Variants in SLC4A5 observed in about 807,000 individuals in gnomAD.
SLC4A5 encodes the protein electrogenic sodium bicarbonate cotransporter 4.
In SLC4A5, 96 loss-of-function variants were observed where a neutral mutation model predicts 120.4. The ratio of observed to expected loss-of-function variants is 0.80; its 90% CI spans 0.68 to 0.94. The LOEUF is 0.94. Ranked by LOEUF, SLC4A5 falls within the 40% of genes least tolerant of loss-of-function variation. The pLI, the probability that SLC4A5 is intolerant of heterozygous loss-of-function variation, is 0.00. For missense variants in SLC4A5, 1,259 were observed against 1,459.5 expected, an observed-to-expected ratio of 0.86 and a Z score of 2.24; for synonymous variants, 550 against 571.1, an observed-to-expected ratio of 0.96 and a Z score of 0.53.
At chr2:74,220,628 T>C (rs1572996842) in intron 30 of SLC4A5, among the ~76,000 whole-genome samples, 1 of 151,480 alleles carries the variant, frequency 6.6e-6, no homozygotes, top group African/African-American at 2.4e-5. Context: ...GCCATTCTCC[T>C]GCCTCAGCCT....
chr2:74,337,867 T>C (rs1417929313), intron 3 of SLC4A5, among the ~76,000 whole-genome samples: 2 of 152,330 alleles, frequency 1.3e-5, no homozygotes, highest in South Asian at 2.1e-4. Flanking sequence ...ATTATGTGGT[T>C]ATTCTGCCTA....
At chr2:74,239,267 G>C in intron 21 of SLC4A5, 68 bp downstream of exon 21, 4 of 1,499,644 alleles carry the variant, frequency 2.7e-6, no homozygotes, top group Non-Finnish European at 3.7e-6. Context: ...CGGTGGACCA[G>C]AACCCTCTCT....
chr2:74,242,397 A>G (rs1384446448), intron 19 of SLC4A5, among the ~76,000 whole-genome samples: 1 of 152,252 alleles, frequency 6.6e-6, no homozygotes, highest in East Asian at 1.9e-4. Context: ...CTGGGCTTTT[A>G]GACTTAAAAA....
intron 8 of SLC4A5, among the ~76,000 whole-genome samples, chr2:74,281,321 A>C (rs1671806409): frequency 6.6e-6 from 1 of 152,236 alleles, no homozygotes; most frequent in African/African-American, 2.4e-5. Flanking sequence ...AGTAACCCCA[A>C]AGGGCCCTCC....
At chr2:74,221,017 ATT>A (rs902043584) in intron 30 of SLC4A5, among the ~76,000 whole-genome samples, 18 of 133,908 alleles carry the variant, frequency 1.3e-4, no homozygotes, top group East Asian at 6.8e-4. Context: ...ATTTTTTTGT[ATT>A]TTTTTAGTAG....
In SLC4A5 at chr2:74,290,520, G is replaced by A. The variant is rs1046602777; in HGVS notation, c.272-4618C>T. ...TAGAGAGAATATAGGTGTGGTAAGT[G>A]TAAGTGTGAGAAAGATTATGCAAAA... On this transcript the variant is annotated intron_variant, in intron 7 of 30. Coordinates refer to ENST00000394019, the Ensembl canonical transcript of SLC4A5. 15 of 984,978 alleles carry A rather than the reference G, an allele frequency of 1.5e-5. No homozygotes were observed. In the African/African-American group the frequency reaches 2.1e-4, roughly 14 times the overall value. 61.0% of individuals were successfully genotyped at this position (984,978 alleles called of 1,614,324 possible).
chr2:74,241,493 C>A (rs1166428012), intron 20 of SLC4A5, among the ~76,000 whole-genome samples: 2 of 151,870 alleles, frequency 1.3e-5, no homozygotes, highest in Non-Finnish European at 2.9e-5. Flanking sequence ...GTAATCCCAG[C>A]ACTTTGGGAG....
intron 7 of SLC4A5, among the ~76,000 whole-genome samples, chr2:74,300,135 C>T (rs1402011767): frequency 6.6e-6 from 1 of 152,144 alleles, no homozygotes; most frequent in Non-Finnish European, 1.5e-5. Flanking sequence ...TGCATGTTCT[C>T]ATTTATATGT....
In SLC4A5 at chr2:74,239,250, A is replaced by C. The variant is rs961664599; in HGVS notation, c.2319+85T>G. Reference sequence around the variant, plus strand: ...GTGGGCCAGTGCTCGCATGGAGTCCATCCTGTCGGTGGACCAGAACCCTCT... The same window carrying C: ...GTGGGCCAGTGCTCGCATGGAGTCCCTCCTGTCGGTGGACCAGAACCCTCT... On this transcript the variant is annotated intron_variant, in intron 21 of 30. Coordinates refer to ENST00000394019, the Ensembl canonical transcript of SLC4A5. 6 of 1,331,114 alleles carry C rather than the reference A, an allele frequency of 4.5e-6. No homozygotes were observed. The African/African-American group carries it at 7.2e-5, about 16-fold the overall frequency. The allele number at this position is 1,331,114 out of a possible 1,614,324, so 82.5% of individuals were successfully genotyped here.
chr2:74,331,497 T>C (rs2104342602), intron 4 of SLC4A5, among the ~76,000 whole-genome samples: 1 of 151,858 alleles, frequency 6.6e-6, no homozygotes, highest in East Asian at 1.9e-4. Context: ...TAGAAGATTG[T>C]TGTTGCTATT....
intron 7 of SLC4A5, among the ~76,000 whole-genome samples, chr2:74,296,762 G>A (rs1391046179): frequency 6.7e-6 from 1 of 149,496 alleles, no homozygotes; most frequent in Non-Finnish European, 1.5e-5. Flanking sequence ...CCTCCAGCTT[G>A]GGTGACGGAG....
intron 16 of SLC4A5, among the ~76,000 whole-genome samples, chr2:74,251,664 G>T (rs1049546948): frequency 6.6e-6 from 1 of 152,204 alleles, no homozygotes; most frequent in African/African-American, 2.4e-5. Flanking sequence ...AGAGGAAAGT[G>T]CTCTGTGAAG....
At chr2:74,240,769 C>CAAA (rs5832130) in intron 20 of SLC4A5, among the ~76,000 whole-genome samples, 6 of 142,334 alleles carry the variant, frequency 4.2e-5, no homozygotes, top group African/African-American at 1.0e-4. Context: ...GACCCCATCT[C>CAAA]AAAAAAAAAA....
chr2:74,224,955 A>T, exon 28 of SLC4A5: 1 of 1,614,056 alleles, frequency 6.2e-7, no homozygotes, highest in Non-Finnish European at 8.5e-7. Context: ...CTGGGAAAAG[A>T]TGAAATCCAG....
At chr2:74,272,574 T>A (rs1046005995) in intron 8 of SLC4A5, among the ~76,000 whole-genome samples, 1 of 152,206 alleles carries the variant, frequency 6.6e-6, no homozygotes. Flanking sequence ...CTTTAACTTT[T>A]AGGGATTTTG....
rs180854276 is a variant in SLC4A5 at position 74,218,206 on chromosome 2, A to G, written c.*620T>C. Reference sequence around the variant, plus strand: ...ATATGCAGAATTGCCAAATATTCCAAAGATGGTCTAGTGACATAAAAGTAT... The same window carrying G: ...ATATGCAGAATTGCCAAATATTCCAGAGATGGTCTAGTGACATAAAAGTAT... On this transcript the variant is annotated 3_prime_UTR_variant, in exon 31 of 31. Coordinates refer to ENST00000394019, the Ensembl canonical transcript of SLC4A5. The G allele has an allele frequency of 1.6e-3, 238 of 152,358 alleles. 1 individual carries two copies. Among genetic ancestry groups the G allele is most frequent in the African/African-American group, 5.1e-3 (212 of 41,586 alleles). 9.4% of individuals were successfully genotyped at this position (152,358 alleles called of 1,614,324 possible).
chr2:74,246,777 C>T (rs1256592556), intron 19 of SLC4A5, among the ~76,000 whole-genome samples: 1 of 152,222 alleles, frequency 6.6e-6, no homozygotes, highest in Non-Finnish European at 1.5e-5. Context: ...TTACCCCACA[C>T]TGAGGCAAAG....
chr2:74,237,400 A>C (rs1283408278), intron 21 of SLC4A5, among the ~76,000 whole-genome samples: 1 of 152,224 alleles, frequency 6.6e-6, no homozygotes, highest in Admixed American at 6.5e-5. Flanking sequence ...TGACTGCTTG[A>C]GAATTTTTAC....
chr2:74,240,059 A>T (rs955848353), intron 20 of SLC4A5, among the ~76,000 whole-genome samples: 2 of 149,292 alleles, frequency 1.3e-5, no homozygotes, highest in Non-Finnish European at 3.0e-5. Flanking sequence ...ATATATATAT[A>T]AATGTGTACT....
Sources: allele counts gnomAD v4.1 joint callset (sites outside exome capture counted in the v4.1 genomes callset), GRCh38; gene constraint gnomAD v4.1.1; transcripts MANE v1.5; gene names NCBI Gene and HGNC (gene_info 2026-07-23, HGNC 2026-07-21).